Variants in BEND5 observed in about 807,000 individuals in gnomAD.
The protein encoded by BEND5 is BEN domain-containing protein 5.
Under a neutral mutation model 43.9 loss-of-function variants are expected in BEND5, and 22 were observed. The ratio of observed to expected loss-of-function variants is 0.50; its 90% CI spans 0.36 to 0.72. BEND5 has a LOEUF of 0.72. Ranked by LOEUF, BEND5 falls within the 30% of genes least tolerant of loss-of-function variation. The pLI is 0.00. For missense variants in BEND5, 428 were observed against 550.6 expected (o/e 0.78, Z 2.23); for synonymous variants, 228 against 225.9 (o/e 1.01, Z -0.08).
At position 48,742,644 on chromosome 1, in the gene BEND5, C is replaced by G. The variant is rs149339808; in HGVS notation, c.873G>C (p.Lys291Asn). 1 of 1,601,512 alleles carries G rather than the reference C, an allele frequency of 6.2e-7. No homozygotes were observed. Among genetic ancestry groups the G allele is most frequent in the Non-Finnish European group, 8.5e-7 (1 of 1,173,524 alleles). ...CTACCTTGCCATTGTCTAGGATATA[C>G]TTGTCCATGACAGGCGCAGGAGCGG... ...YYPAPAPVMD[K>N]YILDNGKVHL... The change falls in exon 4 of 6, where the codon AAG (lysine) becomes AAC (asparagine). Residue 291 changes from lysine to asparagine, a missense_variant. Lys to Asn is a moderately conservative substitution (Grantham distance 94, BLOSUM62 0). Coordinates refer to ENST00000371833, the MANE Select transcript of BEND5 (RefSeq NM_024603.4).
At chr1:48,748,904 G>GA (rs922524789) in intron 3 of BEND5, among the ~76,000 whole-genome samples, 1 of 152,020 alleles carries the variant, frequency 6.6e-6, no homozygotes, top group Non-Finnish European at 1.5e-5. Context: ...AGAGGCAGGA[G>GA]AAAAAAATTC....
At position 48,769,526 on chromosome 1, in the gene BEND5, AACACACACACACACACAC is replaced by A. The variant is rs558937968; in HGVS notation, c.226+7062_226+7079del. 3.8e-5 allele frequency among the ~76,000 whole-genome samples: 5 copies of A among 130,214 alleles called. 1 individual carries two copies. The highest frequency in any genetic ancestry group is 1.2e-4 in the African/African-American group (4 of 34,304). 85.4% of individuals were successfully genotyped at this position (130,214 alleles called of 152,430 possible). A position where few individuals can be genotyped will look rare whatever the true frequency, so the allele number is the denominator to read the frequency against. Reference sequence around the variant, plus strand: ...TAGGTCAAGTCCCAGGAGGATTTAAAACACACACACACACACACACACACACACACACACACACACACA... The same window carrying A: ...TAGGTCAAGTCCCAGGAGGATTTAAAACACACACACACACACACACACACA... On this transcript the variant is annotated intron_variant, in intron 1 of 5. Coordinates refer to ENST00000371833, the MANE Select transcript of BEND5 (RefSeq NM_024603.4).
rs1429177717 is a variant in BEND5 at position 48,776,810 on chromosome 1, G to A, written c.22C>T (p.Leu8=). 3.3e-6 allele frequency: 5 copies of A among 1,522,206 alleles called. No individual in the cohort carries two copies. In the South Asian group the frequency reaches 4.9e-5, roughly 15 times the overall value. 94.3% of individuals were successfully genotyped at this position (1,522,206 alleles called of 1,614,324 possible). A position where few individuals can be genotyped will look rare whatever the true frequency, so the allele number is the denominator to read the frequency against. The change falls in exon 1 of 6, where the codon CTG becomes TTG. Residue 8 remains leucine, a synonymous_variant. Transcript: ENST00000371833. The part of the protein sequence containing the change: MYAFVRF[L]EDNVCYALPV... ...AGCGCGTAGCAGACGTTGTCCTCCA[G>A]GAACCGCACAAAGGCGTACATGGTG... is the stretch of plus-strand genomic sequence containing the variant.
chr1:48,738,003 C>A (rs1240061319), intron 4 of BEND5, among the ~76,000 whole-genome samples: 1 of 152,116 alleles, frequency 6.6e-6, no homozygotes, highest in Non-Finnish European at 1.5e-5. Flanking sequence ...TGGAGAGGTC[C>A]CTGGTCTAAG....
chr1:48,756,815 G>A (rs1299180255), intron 3 of BEND5, among the ~76,000 whole-genome samples: 4 of 152,190 alleles, frequency 2.6e-5, no homozygotes, highest in Admixed American at 1.3e-4. Flanking sequence ...GAGAGGATAG[G>A]GTGGGTGGTC....
Position 48,750,565 on chromosome 1 carries a change from C to A in BEND5, c.746-7794G>T, listed in dbSNP as rs200287597. Among the ~76,000 whole-genome samples the A allele has an allele frequency of 3.3e-5, 5 of 152,344 alleles. No individual in the cohort carries two copies. In the East Asian group the frequency reaches 9.7e-4, roughly 29 times the overall value. On this transcript the variant is annotated intron_variant, in intron 3 of 5. Coordinates refer to ENST00000371833, the MANE Select transcript of BEND5 (RefSeq NM_024603.4). ...AAGTAAAGCTCACCCTGCATCCCAA[C>A]TGTCTGCTGTTGAGACTGTGACTTC...
chr1:48,769,993 C>G (rs1045292376), intron 1 of BEND5, among the ~76,000 whole-genome samples: 20 of 152,154 alleles, frequency 1.3e-4, no homozygotes, highest in African/African-American at 4.8e-4. Flanking sequence ...TCCCATAGTG[C>G]AGGGTTCCAT....
chr1:48,753,343 C>G (rs78109781), intron 3 of BEND5, among the ~76,000 whole-genome samples: 5 of 152,196 alleles, frequency 3.3e-5, no homozygotes, highest in Non-Finnish European at 7.3e-5. Flanking sequence ...TAAATTAAGA[C>G]AGCTGAGATT....
intron 1 of BEND5, 106 bp from the exon 2 acceptor site, chr1:48,761,576 CA>C (rs1370548094): frequency 8.2e-7 from 1 of 1,221,782 alleles, no homozygotes; most frequent in East Asian, 2.6e-5. Context: ...GAGGCCAGAC[CA>C]GTTAAAAAGG....
rs560771663 is a variant in BEND5 at position 48,736,489 on chromosome 1, G to A, written c.895-37C>T. ...AAGAACACCAGCACCTGTTTAGTCC[G>A]ACAGGAGGGCAGTGGGAGGCTTCTC... On this transcript the variant is annotated intron_variant, in intron 4 of 5. Transcript: ENST00000371833. The surrounding 1 kb of genome is among the most constrained non-coding windows in gnomAD (Gnocchi z 4.0). The A allele has an allele frequency of 1.3e-5, 21 of 1,573,448 alleles. No individual in the cohort carries two copies. The East Asian group carries it at 1.3e-4, about 10-fold the overall frequency.
chr1:48,756,477 A>C (rs1643932353), intron 3 of BEND5, among the ~76,000 whole-genome samples: 1 of 152,196 alleles, frequency 6.6e-6, no homozygotes, highest in Non-Finnish European at 1.5e-5. Flanking sequence ...GAATTCTTAC[A>C]CTAGGCTAGG....
intron 5 of BEND5, among the ~76,000 whole-genome samples, chr1:48,731,703 G>A (rs941953844): frequency 1.3e-5 from 2 of 152,180 alleles, no homozygotes; most frequent in Non-Finnish European, 2.9e-5. Context: ...AGGGAACAAG[G>A]CTTGTTCACG....
chr1:48,742,894 G>A, intron 3 of BEND5, 123 bp from the exon 4 acceptor site: 1 of 935,286 alleles, frequency 1.1e-6, no homozygotes, highest in Non-Finnish European at 1.5e-6. Flanking sequence ...TTTGTCCATT[G>A]AACTACACTT....
chr1:48,776,030 GCCT>G (rs1172575309), intron 1 of BEND5, among the ~76,000 whole-genome samples: 4 of 152,172 alleles, frequency 2.6e-5, no homozygotes, highest in African/African-American at 4.8e-5. Context: ...GAGGTTCATG[GCCT>G]CCTCATCCTG....
intron 1 of BEND5, 104 bp downstream of exon 1, chr1:48,776,502 G>A (rs1645091932): frequency 2.4e-6 from 2 of 846,888 alleles, no homozygotes; most frequent in South Asian, 2.2e-5. Context: ...GCAGGAAGGA[G>A]CAAGCAGTGG....
Position 48,742,644 on chromosome 1 carries a change from C to T in BEND5, c.873G>A (p.Lys291=), listed in dbSNP as rs149339808. The T allele has an allele frequency of 5.0e-6, 8 of 1,601,394 alleles. No homozygotes were observed. Among genetic ancestry groups the T allele is most frequent in the Non-Finnish European group, 6.8e-6 (8 of 1,173,532 alleles). ...YYPAPAPVMD[K]YILDNGKVHL... ...CTACCTTGCCATTGTCTAGGATATACTTGTCCATGACAGGCGCAGGAGCGG... is the reference window on the plus strand; with the variant it reads ...CTACCTTGCCATTGTCTAGGATATATTTGTCCATGACAGGCGCAGGAGCGG... The change falls in exon 4 of 6, where the codon AAG becomes AAA. Residue 291 remains lysine, a synonymous_variant. Coordinates refer to ENST00000371833, the MANE Select transcript of BEND5 (RefSeq NM_024603.4).
At chr1:48,769,542 C>CACACAA (rs1203520613) in intron 1 of BEND5, among the ~76,000 whole-genome samples, 1 of 145,158 alleles carries the variant, frequency 6.9e-6, no homozygotes, top group Non-Finnish European at 1.5e-5. Context: ...CACACACACA[C>CACACAA]ACACACACAC....
intron 4 of BEND5, among the ~76,000 whole-genome samples, chr1:48,737,179 G>A (rs1649199190): frequency 6.6e-6 from 1 of 152,204 alleles, no homozygotes; most frequent in Non-Finnish European, 1.5e-5. Flanking sequence ...AGCTGCTTGG[G>A]AGGCTGAGGC....
chr1:48,773,018 G>A lies in BEND5; in HGVS notation c.226+3588C>T, dbSNP rs150933463. On this transcript the variant is annotated intron_variant, in intron 1 of 5. Transcript: ENST00000371833. ...ACATAGCAGGACATGAAAAGTCAACGCCTGCCACCCCTGGGTCGTGCTGTC... is the reference window on the plus strand; with the variant it reads ...ACATAGCAGGACATGAAAAGTCAACACCTGCCACCCCTGGGTCGTGCTGTC... Among the ~76,000 whole-genome samples the A allele has an allele frequency of 1.2e-4, 18 of 152,134 alleles. No individual in the cohort carries two copies. In the East Asian group the frequency reaches 3.1e-3, roughly 26 times the overall value.
Sources: allele counts gnomAD v4.1 joint callset (sites outside exome capture counted in the v4.1 genomes callset), GRCh38; gene constraint gnomAD v4.1.1; non-coding constraint Gnocchi (gnomAD v3.1); transcripts MANE v1.5; gene names NCBI Gene and HGNC (gene_info 2026-07-23, HGNC 2026-07-21).